EIF2S3: variants seen among roughly 807,000 people sequenced by gnomAD.
EIF2S3 encodes the protein eukaryotic translation initiation factor 2 subunit 3.
Under a neutral mutation model 31.7 loss-of-function variants are expected in EIF2S3, and 2 were observed. That is an observed-to-expected ratio of 0.06 (90% CI 0.03 to 0.20). EIF2S3 has a LOEUF of 0.20. EIF2S3 is among the 10% of genes least tolerant of loss of function. The pLI is 1.00. For synonymous variants in EIF2S3, 120 were observed against 126.7 expected, an observed-to-expected ratio of 0.95 and a Z score of 0.36; for missense variants, 96 against 359.3, an observed-to-expected ratio of 0.27 and a Z score of 5.92.
rs56885833 is a variant in EIF2S3 at position 24,057,024 on chromosome X, GTATT to G, written c.134-375_134-372del. On this transcript the variant is annotated intron_variant, in intron 2 of 11. Transcript: ENST00000253039. ...GCAAGTTATGGCTTTGGCTTTAATTGTATTTATTTATTTATTTATTTATTTGCGA... is the reference window on the plus strand; with the variant it reads ...GCAAGTTATGGCTTTGGCTTTAATTGTATTTATTTATTTATTTATTTGCGA... Among the ~76,000 whole-genome samples, 58 of 107,901 alleles carry G rather than the reference GTATT, an allele frequency of 5.4e-4. 1 individual carries two copies. Among genetic ancestry groups the G allele is most frequent in the Admixed American group, 1.5e-3 (15 of 9,804 alleles). The allele number at this position is 107,901 out of a possible 115,157, so 93.7% of individuals were successfully genotyped here.
At chrX:24,055,583 C>T (rs779869927) in intron 1 of EIF2S3, 32 bp from the exon 2 acceptor site, 4 of 1,191,038 alleles carry the variant, frequency 3.4e-6, no homozygotes, top group East Asian at 5.9e-5. Context: ...ATTTGTTTTA[C>T]GTGCAGTGTT....
At chrX:24,057,612 C>A (rs760269170) in intron 3 of EIF2S3, 21 bp from the exon 4 acceptor site, 2 of 1,209,449 alleles carry the variant, frequency 1.7e-6, no homozygotes, top group Admixed American at 4.4e-5. Context: ...AAATCAAAAT[C>A]TTTTTTTATT....
intron 11 of EIF2S3, among the ~76,000 whole-genome samples, chrX:24,076,458 C>G (rs997871126): frequency 2.6e-4 from 29 of 111,659 alleles, no homozygotes; most frequent in Non-Finnish European, 4.7e-4. Context: ...TGTTTGAACC[C>G]AGGAGCCAGA....
intron 4 of EIF2S3, 120 bp downstream of exon 4, chrX:24,057,874 C>A: frequency 1.2e-6 from 1 of 849,438 alleles, no homozygotes. Flanking sequence ...TGTTGTTTTT[C>A]CATTGTTTAT....
chrX:24,072,110 C>T (rs1415640674), intron 10 of EIF2S3, among the ~76,000 whole-genome samples: 1 of 109,999 alleles, frequency 9.1e-6, no homozygotes, highest in African/African-American at 3.3e-5. Context: ...ACCTCCTGAC[C>T]TCAAGTGATC....
chrX:24,072,601 T>C (rs1930689067), intron 10 of EIF2S3, among the ~76,000 whole-genome samples: 1 of 111,582 alleles, frequency 9.0e-6, no homozygotes, highest in Non-Finnish European at 1.9e-5. Context: ...TTTTAAAAAA[T>C]GTCCCAGATT....
chrX:24,058,177 G>A (rs1387966864), intron 4 of EIF2S3, among the ~76,000 whole-genome samples: 1 of 111,674 alleles, frequency 9.0e-6, no homozygotes, highest in African/African-American at 3.3e-5. Context: ...ACTGACACCT[G>A]TCTAGTGATG....
At position 24,070,103 on chromosome X, in the gene EIF2S3, C is replaced by T. The variant is rs184551748; in HGVS notation, c.1013-1455C>T. The stretch of plus-strand genomic sequence containing the variant: ...CCAGTCTTGGCTGGGCGTGGTGGCT[C>T]ATGTCTGTATTCCCAGCACTTCGGG... On this transcript the variant is annotated intron_variant, in intron 9 of 11. Transcript: ENST00000253039. Among the ~76,000 whole-genome samples the T allele has an allele frequency of 4.0e-4, 43 of 108,595 alleles. 1 individual carries two copies. The highest frequency in any genetic ancestry group is 1.4e-3 in the African/African-American group (41 of 29,809). 94.3% of individuals were successfully genotyped at this position (108,595 alleles called of 115,157 possible).
chrX:24,068,050 T>C lies in EIF2S3; in HGVS notation c.954T>C (p.Ile318=), dbSNP rs1930605681. 1 of 1,205,644 alleles carries C rather than the reference T, an allele frequency of 8.3e-7. No individual in the cohort carries two copies. The highest frequency in any genetic ancestry group is 1.1e-6 in the Non-Finnish European group (1 of 891,358). The change falls in exon 9 of 12, where the codon ATT becomes ATC. Residue 318 remains isoleucine (I), a synonymous_variant. Coordinates refer to ENST00000253039, the MANE Select transcript of EIF2S3 (RefSeq NM_001415.4). ...TGTGTAAACCAATCTTTTCCAAAAT[T>C]GTATCACTTTTTGCGGAGCATAATG... ...KLMCKPIFSK[I]VSLFAEHNDL...
At chrX:24,074,862 CTT>C (rs758813480) in intron 11 of EIF2S3, among the ~76,000 whole-genome samples, 3 of 47,474 alleles carry the variant, frequency 6.3e-5, no homozygotes, top group Non-Finnish European at 1.0e-4. Flanking sequence ...TTTTCTTCTT[CTT>C]TTTTTTTTTT....
intron 8 of EIF2S3, 146 bp downstream of exon 8, chrX:24,066,238 G>A (rs1217025199): frequency 2.5e-6 from 1 of 393,570 alleles, no homozygotes; most frequent in Admixed American, 5.0e-5. Context: ...GGTATTTGAT[G>A]TAGAGTTCTC....
chrX:24,058,121 C>G (rs1206313754), intron 4 of EIF2S3, among the ~76,000 whole-genome samples: 1 of 111,954 alleles, frequency 8.9e-6, no homozygotes, highest in East Asian at 2.8e-4. Flanking sequence ...ACTTGTTCCC[C>G]ATCTGTTTTC....
Position 24,057,725 on chromosome X carries a change from A to C in EIF2S3, c.354A>C (p.Pro118=). The C allele has an allele frequency of 8.3e-7, 1 of 1,209,503 alleles. No individual in the cohort carries two copies. ...CTGACGAGTTTCCTACGGACATTCC[A>C]GGGACCAAAGGGAACTTCAAATTAG... The part of the protein sequence containing the change: ...STPDEFPTDI[P]GTKGNFKLVR... Residue 118 remains proline, a synonymous_variant, in exon 4 of 12, where the codon CCA becomes CCC. Transcript: ENST00000253039.
Position 24,078,746 on chromosome X carries a change from C to T in EIF2S3, c.*1961C>T, listed in dbSNP as rs1233360434. Among the ~76,000 whole-genome samples, 3 of 111,936 alleles carry T rather than the reference C, an allele frequency of 2.7e-5. No individual in the cohort carries two copies. Among genetic ancestry groups the T allele is most frequent in the Admixed American group, 9.6e-5 (1 of 10,433 alleles). ...GGAAGCATATTAATGTTATAAACTT[C>T]GCTGACTTTGAAGGTTGTGTTGTAG... On this transcript the variant is annotated 3_prime_UTR_variant, in exon 12 of 12. Transcript: ENST00000253039.
intron 9 of EIF2S3, 101 bp downstream of exon 9, chrX:24,068,209 G>A (rs1930607702): frequency 2.4e-6 from 2 of 844,920 alleles, no homozygotes; most frequent in Non-Finnish European, 3.3e-6. Context: ...TTTTAATTGG[G>A]TATTTTAATA....
intron 7 of EIF2S3, among the ~76,000 whole-genome samples, chrX:24,065,074 TC>T (rs1489016077): frequency 9.0e-6 from 1 of 111,656 alleles, no homozygotes; most frequent in Non-Finnish European, 1.9e-5. Flanking sequence ...ACATTTGAGC[TC>T]CTCTGGCTTT....
chrX:24,060,338 C>G, intron 5 of EIF2S3, 156 bp downstream of exon 5: 1 of 436,719 alleles, frequency 2.3e-6, no homozygotes, highest in South Asian at 4.7e-5. Flanking sequence ...TCCTACCTAT[C>G]AGCTATCACA....
In EIF2S3 at chrX:24,071,968, T is replaced by G. The variant is rs1214069405; in HGVS notation, c.1182+241T>G. 4.8e-5 allele frequency among the ~76,000 whole-genome samples: 5 copies of G among 103,838 alleles called. No individual in the cohort carries two copies. The Admixed American group carries it at 5.2e-4, about 11-fold the overall frequency. 90.2% of individuals were successfully genotyped at this position (103,838 alleles called of 115,157 possible). A position where few individuals can be genotyped will look rare whatever the true frequency, so the allele number is the denominator to read the frequency against. The stretch of plus-strand genomic sequence containing the variant: ...TCGGCTCACGGCAACCTCCACCTCC[T>G]GGGTTCAAGCAATTCTCTTGCCTCG... On this transcript the variant is annotated intron_variant, in intron 10 of 11. Coordinates refer to ENST00000253039, the MANE Select transcript of EIF2S3 (RefSeq NM_001415.4).
At chrX:24,060,046 A>G in intron 4 of EIF2S3, 42 bp from the exon 5 acceptor site, 1 of 999,999 alleles carries the variant, frequency 1.0e-6, no homozygotes, top group Non-Finnish European at 1.4e-6. Flanking sequence ...ATGTGTAAGT[A>G]GTGATTTATG....
Sources: gnomAD v4.1 joint callset for allele counts (sites outside exome capture counted in the v4.1 genomes callset) on GRCh38, gnomAD v4.1.1 for gene constraint, MANE v1.5 for transcripts, NCBI Gene and HGNC (gene_info 2026-07-23, HGNC 2026-07-21) for gene names.